The following CFAP61 variants were observed in gnomAD, a reference collection of about 807,000 sequenced individuals.
CFAP61 encodes cilia and flagella associated protein 61.
In CFAP61, 107 loss-of-function variants were observed where a neutral mutation model predicts 135.6. The observed-to-expected ratio is 0.79, with a 90% CI of 0.67 to 0.93. The LOEUF (loss-of-function observed/expected upper bound fraction) is 0.93, where lower values mean the gene tolerates loss of function less well. Ranked by LOEUF, CFAP61 falls within the 40% of genes least tolerant of loss-of-function variation. CFAP61 has a pLI of 0.00. For missense variants in CFAP61, 1,507 were observed against 1,556.2 expected (o/e 0.97, Z 0.53); for synonymous variants, 575 against 578.5 (o/e 0.99, Z 0.09).
At chr20:20,282,256 C>A (rs1489872556) in intron 22 of CFAP61, among the ~76,000 whole-genome samples, 2 of 152,056 alleles carry the variant, frequency 1.3e-5, no homozygotes, top group African/African-American at 4.8e-5. Context: ...TTTCAATTAA[C>A]CAGCTTTTGA....
At chr20:20,247,580 G>A (rs1291867120) in intron 19 of CFAP61, among the ~76,000 whole-genome samples, 1 of 152,206 alleles carries the variant, frequency 6.6e-6, no homozygotes, top group Non-Finnish European at 1.5e-5. Context: ...AGATGAAAAA[G>A]TCGGCTCCTC....
chr20:20,105,724 C>T (rs1304029848), intron 8 of CFAP61, among the ~76,000 whole-genome samples: 4 of 151,780 alleles, frequency 2.6e-5, no homozygotes, highest in East Asian at 2.0e-4. Context: ...CTCCGCCTCC[C>T]AGGTTCACAC....
intron 9 of CFAP61, among the ~76,000 whole-genome samples, chr20:20,144,026 A>C (rs2051648858): frequency 6.6e-6 from 1 of 152,256 alleles, no homozygotes; most frequent in Non-Finnish European, 1.5e-5. Flanking sequence ...TCTTGTGGAG[A>C]ATAATTAGTT....
At chr20:20,151,345 C>CAAAA (rs140279260) in intron 9 of CFAP61, among the ~76,000 whole-genome samples, 6 of 148,350 alleles carry the variant, frequency 4.0e-5, no homozygotes, top group African/African-American at 7.4e-5. Flanking sequence ...CCCAATTAGA[C>CAAAA]AAAAAAAAAA....
At chr20:20,125,645 A>G (rs2050010933) in intron 8 of CFAP61, among the ~76,000 whole-genome samples, 1 of 151,678 alleles carries the variant, frequency 6.6e-6, no homozygotes, top group African/African-American at 2.4e-5. Flanking sequence ...ATCATGGTCT[A>G]TCTTGGAGAA....
chr20:20,268,977 G>A (rs1455358018), intron 21 of CFAP61, among the ~76,000 whole-genome samples: 1 of 151,700 alleles, frequency 6.6e-6, no homozygotes, highest in East Asian at 1.9e-4. Context: ...ATCGAACAGA[G>A]GCTTTGTTAT....
At chr20:20,202,607 T>C (rs1476583678) in intron 17 of CFAP61, among the ~76,000 whole-genome samples, 1 of 152,340 alleles carries the variant, frequency 6.6e-6, no homozygotes, top group African/African-American at 2.4e-5. Flanking sequence ...TTGAGCCAAG[T>C]AGAATATTTT....
intron 6 of CFAP61, among the ~76,000 whole-genome samples, chr20:20,080,894 C>T (rs1390096797): frequency 2.0e-5 from 3 of 151,536 alleles, no homozygotes; most frequent in Admixed American, 6.6e-5. Flanking sequence ...CCCAGCTACT[C>T]GGGAGGCTGA....
At chr20:20,116,998 C>G (rs186979980) in intron 8 of CFAP61, among the ~76,000 whole-genome samples, 1 of 152,206 alleles carries the variant, frequency 6.6e-6, no homozygotes, top group African/African-American at 2.4e-5. Flanking sequence ...ATCCAGTTTT[C>G]CCAGCACCAT....
intron 17 of CFAP61, among the ~76,000 whole-genome samples, chr20:20,200,268 G>A (rs1033615450): frequency 4.6e-5 from 7 of 152,200 alleles, no homozygotes; most frequent in Non-Finnish European, 8.8e-5. Context: ...AATGCATTAA[G>A]TGGTCATTCG....
intron 6 of CFAP61, among the ~76,000 whole-genome samples, chr20:20,090,390 C>T (rs2047094263): frequency 6.6e-6 from 1 of 152,030 alleles, no homozygotes; most frequent in Admixed American, 6.6e-5. Context: ...GTCTGTTTCT[C>T]CTATTAGAAG....
intron 13 of CFAP61, among the ~76,000 whole-genome samples, chr20:20,177,692 G>C (rs2054739118): frequency 6.6e-6 from 1 of 150,620 alleles, no homozygotes; most frequent in Non-Finnish European, 1.5e-5. Flanking sequence ...CTGCATTCTA[G>C]ATGGTGGAGA....
At chr20:20,210,875 C>T (rs2047583448) in intron 17 of CFAP61, among the ~76,000 whole-genome samples, 1 of 152,110 alleles carries the variant, frequency 6.6e-6, no homozygotes, top group Admixed American at 6.5e-5. Context: ...CCTGTCATCC[C>T]ACACTTTGGG....
chr20:20,159,593 G>A (rs546639181), intron 10 of CFAP61, 149 bp downstream of exon 10: 13 of 651,992 alleles, frequency 2.0e-5, no homozygotes, highest in Non-Finnish European at 3.6e-5. Context: ...AGGACTTGCT[G>A]CACCAAGCCT....
chr20:20,274,681 A>T (rs900168380), intron 21 of CFAP61, among the ~76,000 whole-genome samples: 3 of 152,170 alleles, frequency 2.0e-5, no homozygotes, highest in African/African-American at 7.2e-5. Context: ...ATGAAAATAA[A>T]AAAAAGGCAA....
chr20:20,237,114 G>A (rs2049653923), intron 18 of CFAP61, among the ~76,000 whole-genome samples: 3 of 152,044 alleles, frequency 2.0e-5, no homozygotes, highest in South Asian at 2.1e-4. Context: ...TTTCAGTAAG[G>A]ATTTATGTGT....
chr20:20,360,508 C>G lies in CFAP61; in HGVS notation c.*98C>G, dbSNP rs1295991711. The G allele has an allele frequency of 6.4e-6, 7 of 1,091,732 alleles. No individual in the cohort carries two copies. Among genetic ancestry groups the G allele is most frequent in the Non-Finnish European group, 8.1e-6 (6 of 741,450 alleles). 67.6% of individuals were successfully genotyped at this position (1,091,732 alleles called of 1,614,324 possible). Reference sequence around the variant, plus strand: ...AGTTCTCTGCAGCCTGGTTTGACAGCGAAGCCAGCCCCTGGTGGTTTTGTT... The same window carrying G: ...AGTTCTCTGCAGCCTGGTTTGACAGGGAAGCCAGCCCCTGGTGGTTTTGTT... On this transcript the variant is annotated 3_prime_UTR_variant, in exon 27 of 27. Coordinates refer to ENST00000245957, the MANE Select transcript of CFAP61 (RefSeq NM_015585.4).
intron 25 of CFAP61, among the ~76,000 whole-genome samples, chr20:20,312,727 G>A (rs1024531164): frequency 2.0e-5 from 3 of 152,152 alleles, no homozygotes; most frequent in Admixed American, 6.5e-5. Context: ...CTTTACAGAC[G>A]AATAAGATGA....
At chr20:20,305,656 T>C (rs1327745110) in intron 25 of CFAP61, among the ~76,000 whole-genome samples, 1 of 152,248 alleles carries the variant, frequency 6.6e-6, no homozygotes, top group Non-Finnish European at 1.5e-5. Flanking sequence ...CCTGCTCCTC[T>C]GTTTCACTTC....
Sources: gnomAD v4.1 joint callset for allele counts (sites outside exome capture counted in the v4.1 genomes callset) on GRCh38, gnomAD v4.1.1 for gene constraint, MANE v1.5 for transcripts, NCBI Gene and HGNC (gene_info 2026-07-23, HGNC 2026-07-21) for gene names.